The following PMFBP1 variants were observed in gnomAD, a reference collection of about 807,000 sequenced individuals.
PMFBP1 encodes polyamine modulated factor 1 binding protein 1, also known as polyamine-modulated factor 1-binding protein 1.
Under a neutral mutation model 137.8 loss-of-function variants are expected in PMFBP1, and 131 were observed. That is an observed-to-expected ratio of 0.95 (90% CI 0.82 to 1.10). The LOEUF (loss-of-function observed/expected upper bound fraction) is 1.10. PMFBP1 is among the 50% of genes least tolerant of loss of function. The pLI is 0.00. For missense variants in PMFBP1, 1,199 were observed against 1,175.4 expected (o/e 1.02, Z -0.29); for synonymous variants, 490 against 450.4 (o/e 1.09, Z -1.11).
the PMFBP1 span, among the ~76,000 whole-genome samples, chr16:72,249,060 C>T: frequency 2.7e-5 from 4 of 150,926 alleles, no homozygotes; most frequent in Non-Finnish European, 5.9e-5. Context: ...TGGTTGTAAG[C>T]GATCAAAGTA....
chr16:72,180,544 G>C (rs548549938), upstream of PMFBP1, among the ~76,000 whole-genome samples: 2 of 152,216 alleles, frequency 1.3e-5, no homozygotes, highest in South Asian at 4.1e-4. Context: ...GGAACAAGTT[G>C]TCGGAAATGA....
chr16:72,243,827 G>A, the PMFBP1 span, among the ~76,000 whole-genome samples: 1 of 152,210 alleles, frequency 6.6e-6, no homozygotes, highest in Admixed American at 6.5e-5. Flanking sequence ...GCAAAGGGGA[G>A]GGTCCAGACT....
chr16:72,185,729 T>C, the PMFBP1 span, among the ~76,000 whole-genome samples: 1 of 152,146 alleles, frequency 6.6e-6, no homozygotes, highest in Non-Finnish European at 1.5e-5. Flanking sequence ...AGTAGAGAAA[T>C]AACTGGCACA....
intron 5 of PMFBP1, among the ~76,000 whole-genome samples, chr16:72,144,867 C>G (rs570526996): frequency 1.7e-4 from 26 of 152,072 alleles, no homozygotes; most frequent in Non-Finnish European, 2.1e-4. Context: ...AGAGGAGCAC[C>G]CAGATTCATA....
the PMFBP1 span, among the ~76,000 whole-genome samples, chr16:72,222,619 G>A: frequency 2.0e-5 from 3 of 152,008 alleles, no homozygotes; most frequent in East Asian, 3.9e-4. Flanking sequence ...GCTATGTAAC[G>A]GTGCTGAGGA....
the PMFBP1 span, among the ~76,000 whole-genome samples, chr16:72,205,810 G>A: frequency 2.6e-5 from 4 of 152,234 alleles, no homozygotes; most frequent in South Asian, 4.1e-4. Context: ...ACAGAATTCA[G>A]CCCTGCCCAT....
chr16:72,146,498 C>T (rs1397724427), intron 5 of PMFBP1, among the ~76,000 whole-genome samples: 1 of 152,024 alleles, frequency 6.6e-6, no homozygotes, highest in Non-Finnish European at 1.5e-5. Flanking sequence ...CACTCCTATT[C>T]GTGTAGTATT....
the PMFBP1 span, among the ~76,000 whole-genome samples, chr16:72,243,618 T>C: frequency 6.6e-6 from 1 of 152,284 alleles, no homozygotes; most frequent in South Asian, 2.1e-4. Flanking sequence ...ATCCCCAGTA[T>C]CAATAACTCT....
chr16:72,150,721 C>T lies in PMFBP1; in HGVS notation c.523G>A (p.Glu175Lys), dbSNP rs760911061. 5 of 1,614,194 alleles carry T rather than the reference C, an allele frequency of 3.1e-6. No homozygotes were observed. Among genetic ancestry groups the T allele is most frequent in the Non-Finnish European group, 3.4e-6 (4 of 1,180,026 alleles). Residue 175 changes from glutamate to lysine, a missense_variant, in exon 5 of 21, where the codon GAG becomes AAG. Glu to Lys is a moderately conservative substitution (Grantham distance 56). Transcript: ENST00000237353. ...ALAGDKIASL[E>K]RSLNLYRDKY... is the part of the protein sequence containing the mutation. ...TCCCTGTAGAGGTTTAAGCTCCTCT[C>T]TAGAGAGGCGATCTTGTCCCCGGCC...
chr16:72,211,665 A>C, the PMFBP1 span, among the ~76,000 whole-genome samples: 1 of 152,212 alleles, frequency 6.6e-6, no homozygotes, highest in African/African-American at 2.4e-5. Flanking sequence ...AAAGAGAACA[A>C]TTGGAGAATA....
chr16:72,133,476 G>A (rs936813954), intron 9 of PMFBP1, among the ~76,000 whole-genome samples: 9 of 152,088 alleles, frequency 5.9e-5, no homozygotes, highest in African/African-American at 2.2e-4. Context: ...ACCGTACCCA[G>A]CCGTTTATTA....
At chr16:72,241,410 C>T in the PMFBP1 span, among the ~76,000 whole-genome samples, 1 of 152,144 alleles carries the variant, frequency 6.6e-6, no homozygotes, top group African/African-American at 2.4e-5. Context: ...CCTTCAGCTA[C>T]CCTACTATTT....
chr16:72,145,835 A>G (rs1378280819), intron 5 of PMFBP1, among the ~76,000 whole-genome samples: 2 of 152,240 alleles, frequency 1.3e-5, no homozygotes, highest in Non-Finnish European at 2.9e-5. Context: ...ACCAGGAAGA[A>G]GTTGAATCTC....
intron 3 of PMFBP1, among the ~76,000 whole-genome samples, chr16:72,162,229 A>G (rs533122849): frequency 7.2e-5 from 11 of 152,310 alleles, no homozygotes; most frequent in Middle Eastern, 3.4e-3. Context: ...CTCAGGGTGG[A>G]GCACATGCAG....
chr16:72,180,049 A>T (rs2043270965), upstream of PMFBP1, among the ~76,000 whole-genome samples: 1 of 152,198 alleles, frequency 6.6e-6, no homozygotes, highest in Non-Finnish European at 1.5e-5. Flanking sequence ...GAAGGCCTGC[A>T]GCTCCAGTTT....
the PMFBP1 span, among the ~76,000 whole-genome samples, chr16:72,239,885 C>CAA: frequency 7.6e-4 from 16 of 21,142 alleles, no homozygotes; most frequent in Non-Finnish European, 1.0e-3. Context: ...ACTCCATGTA[C>CAA]AAAAAAAAAA....
chr16:72,159,811 T>A (rs868805787), intron 3 of PMFBP1, among the ~76,000 whole-genome samples: 20 of 150,238 alleles, frequency 1.3e-4, no homozygotes, highest in Admixed American at 3.3e-4. Context: ...TTTTTTTTTT[T>A]AAAACATTCT....
At chr16:72,211,203 CTGTGTGTGGTGAG>C in the PMFBP1 span, among the ~76,000 whole-genome samples, 1 of 152,144 alleles carries the variant, frequency 6.6e-6, no homozygotes, top group Non-Finnish European at 1.5e-5. Flanking sequence ...GGGCTTAGGT[CTGTGTGTGGTGAG>C]TGTGATATGG....
At chr16:72,197,219 T>A in the PMFBP1 span, among the ~76,000 whole-genome samples, 3 of 152,152 alleles carry the variant, frequency 2.0e-5, no homozygotes, top group African/African-American at 7.2e-5. Context: ...CACCAGGTAA[T>A]TGGGCACCTA....
Sources: gnomAD v4.1 joint callset for allele counts (sites outside exome capture counted in the v4.1 genomes callset) on GRCh38, gnomAD v4.1.1 for gene constraint, MANE v1.5 for transcripts, NCBI Gene and HGNC (gene_info 2026-07-23, HGNC 2026-07-21) for gene names.